The following UGT2B11 variants were observed in gnomAD, a reference collection of about 807,000 sequenced individuals.
UGT2B11 encodes the protein UDP-glucuronosyltransferase 2B11.
UGT2B11 carries 49 observed loss-of-function variants against 51.7 expected under a neutral mutation model. The ratio of observed to expected loss-of-function variants is 0.95; its 90% CI spans 0.75 to 1.20. UGT2B11 has a LOEUF of 1.20. UGT2B11 is among the 50% of genes most tolerant of loss of function. The probability of loss-of-function intolerance (pLI) is 0.00; values close to 1 mark genes in which losing one functional copy is unlikely to be tolerated. For missense variants in UGT2B11, 810 were observed against 622.1 expected, an observed-to-expected ratio of 1.30 and a Z score of -3.21; for synonymous variants, 273 against 209.0, an observed-to-expected ratio of 1.31 and a Z score of -2.64.
intron 2 of UGT2B11, 149 bp from the exon 3 acceptor site, chr4:69,208,631 C>A: frequency 1.4e-6 from 2 of 1,419,452 alleles, no homozygotes; most frequent in Non-Finnish European, 9.4e-7. Flanking sequence ...CATTCAGTTT[C>A]TTTGCAAGAA....
Position 69,205,570 on chromosome 4 carries a change from G to A in UGT2B11, c.1003-3C>T, listed in dbSNP as rs1721821203. 2 of 1,608,950 alleles carry A rather than the reference G, an allele frequency of 1.2e-6. No individual in the cohort carries two copies. The highest frequency in any genetic ancestry group is 2.7e-5 in the African/African-American group (2 of 74,554). ...TTCCCGTCAAATCTCCACAGAACCT[G>A]TTACAGTAAAGAGAATATCTTATTC... is the stretch of plus-strand genomic sequence containing the variant. On this transcript the variant is annotated splice_region_variant and splice_polypyrimidine_tract_variant and intron_variant, in intron 3 of 5. Coordinates refer to ENST00000446444, the MANE Select transcript of UGT2B11 (RefSeq NM_001073.3).
the UGT2B11 span, among the ~76,000 whole-genome samples, chr4:69,221,018 T>C: frequency 2.1e-4 from 32 of 152,284 alleles, 1 homozygote; most frequent in African/African-American, 7.7e-4. Flanking sequence ...TGCCTAGTAT[T>C]CTGGCTCCTA....
intron 3 of UGT2B11, 125 bp downstream of exon 3, chr4:69,208,226 G>A: frequency 6.5e-7 from 1 of 1,528,678 alleles, no homozygotes; most frequent in Non-Finnish European, 8.8e-7. Context: ...AGCAACATAA[G>A]CATATTTAAG....
rs748519040 is a variant in UGT2B11 at position 69,214,175 on chromosome 4, T to C, written c.548A>G (p.His183Arg). 90 of 1,612,822 alleles carry C rather than the reference T, an allele frequency of 5.6e-5. No individual in the cohort carries two copies. Among genetic ancestry groups the C allele is most frequent in the Non-Finnish European group, 7.2e-5 (85 of 1,179,354 alleles). ...RFTPGYTIER[H>R]SGGLIFPPSY... Reference sequence around the variant, plus strand: ...AGGAGGGAAAATCAGTCCTCCACTGTGCCTTTCAATTGTGTAGCCAGGAGT... The same window carrying C: ...AGGAGGGAAAATCAGTCCTCCACTGCGCCTTTCAATTGTGTAGCCAGGAGT... Residue 183 changes from histidine (H) to arginine (R), a missense_variant, in exon 1 of 6, where the codon CAC becomes CGC. His to Arg is a conservative substitution (Grantham distance 29). Coordinates refer to ENST00000446444, the MANE Select transcript of UGT2B11 (RefSeq NM_001073.3).
At chr4:69,222,375 A>G in the UGT2B11 span, among the ~76,000 whole-genome samples, 3 of 152,118 alleles carry the variant, frequency 2.0e-5, no homozygotes, top group East Asian at 5.8e-4. Flanking sequence ...TTCCCTTTGT[A>G]ATTGTGGATA....
intron 3 of UGT2B11, 100 bp from the exon 4 acceptor site, chr4:69,205,667 G>C: frequency 1.5e-5 from 19 of 1,304,220 alleles, no homozygotes; most frequent in Non-Finnish European, 1.9e-5. Flanking sequence ...AGGGATGTTA[G>C]TAAATAAATC....
At chr4:69,201,844 C>T (rs1365618167) in intron 5 of UGT2B11, among the ~76,000 whole-genome samples, 1 of 151,752 alleles carries the variant, frequency 6.6e-6, no homozygotes, top group Non-Finnish European at 1.5e-5. Flanking sequence ...AATATACATA[C>T]ACTAAGTGAA....
intron 2 of UGT2B11, among the ~76,000 whole-genome samples, chr4:69,211,984 C>G (rs1385778583): frequency 6.6e-6 from 1 of 151,470 alleles, no homozygotes; most frequent in African/African-American, 2.4e-5. Context: ...GTCCTGACCA[C>G]TTTATCTGCT....
At chr4:69,213,962 T>C (rs1329760008) in intron 1 of UGT2B11, 40 bp downstream of exon 1, 1 of 1,509,648 alleles carries the variant, frequency 6.6e-7, no homozygotes, top group African/African-American at 1.4e-5. Flanking sequence ...AAGACACAAA[T>C]AAGTTAGATC....
chr4:69,206,015 C>A (rs1405957859), intron 3 of UGT2B11, among the ~76,000 whole-genome samples: 1 of 151,576 alleles, frequency 6.6e-6, no homozygotes, highest in Non-Finnish European at 1.5e-5. Flanking sequence ...AATGCTTATA[C>A]TCTGTTGGTT....
rs1369271083 is a variant in UGT2B11, at chr4:69,214,622, C to T, written c.101G>A (p.Ser34Asn). The T allele has an allele frequency of 3.1e-6, 5 of 1,613,206 alleles. No individual in the cohort carries two copies. In the East Asian group the frequency reaches 1.1e-4, roughly 36 times the overall value. Residue 34 changes from serine to asparagine, a missense_variant, in exon 1 of 6, where the codon AGC (serine) becomes AAC (asparagine). By Grantham distance (46) the Ser-to-Asn change is conservative (BLOSUM62 1). Coordinates refer to ENST00000446444, the MANE Select transcript of UGT2B11 (RefSeq NM_001073.3). ...GATTGTCTTCATATTCATCCAATGG[C>T]TGTATTCTGCGGCCCACACCAGCAC... is the stretch of plus-strand genomic sequence containing the variant. ...GKVLVWAAEY[S>N]HWMNMKTILK...
At chr4:69,200,754 G>A in intron 5 of UGT2B11, 35 bp from the exon 6 acceptor site, 2 of 1,575,968 alleles carry the variant, frequency 1.3e-6, no homozygotes, top group Non-Finnish European at 1.7e-6. Flanking sequence ...AACACTGAAA[G>A]TAAGTTAATT....
intron 4 of UGT2B11, 150 bp downstream of exon 4, chr4:69,205,330 T>A: frequency 9.6e-7 from 1 of 1,040,712 alleles, no homozygotes; most frequent in Non-Finnish European, 1.4e-6. Flanking sequence ...ATGCCAACAA[T>A]TCTACCATAT....
intron 1 of UGT2B11, among the ~76,000 whole-genome samples, chr4:69,213,525 AC>A: frequency 6.6e-6 from 1 of 151,778 alleles, no homozygotes; most frequent in Non-Finnish European, 1.5e-5. Context: ...ATCTCTCTCT[AC>A]TGTGAAGGAA....
chr4:69,218,744 G>A (rs1310105957), upstream of UGT2B11, among the ~76,000 whole-genome samples: 3 of 152,050 alleles, frequency 2.0e-5, no homozygotes, highest in Non-Finnish European at 4.4e-5. Flanking sequence ...ACATTACAGA[G>A]TAGGGCATCC....
chr4:69,208,403 G>A lies in UGT2B11; in HGVS notation c.950C>T (p.Thr317Ile), dbSNP rs1461258293. The A allele has an allele frequency of 1.2e-6, 2 of 1,610,800 alleles. No individual in the cohort carries two copies. Among genetic ancestry groups the A allele is most frequent in the South Asian group, 2.2e-5 (2 of 90,998 alleles). ...TGCAATTACATTGGCCCTTTCTGCT[G>A]TCATGTTACTTATCACTGACCCCAG... ...FSLGSVISNM[T>I]AERANVIATA... is the part of the protein sequence containing the mutation. Residue 317 changes from threonine (T) to isoleucine (I), a missense_variant, in exon 3 of 6, where the codon ACA (threonine) becomes ATA (isoleucine). By Grantham distance (89) the Thr-to-Ile change is moderately conservative. Coordinates refer to ENST00000446444, the MANE Select transcript of UGT2B11 (RefSeq NM_001073.3).
intron 5 of UGT2B11, among the ~76,000 whole-genome samples, chr4:69,202,984 T>C (rs1721713775): frequency 6.6e-6 from 1 of 151,686 alleles, no homozygotes; most frequent in Admixed American, 6.6e-5. Flanking sequence ...ATTTTTCACA[T>C]TGTTATCTTT....
chr4:69,200,841 GA>G, intron 5 of UGT2B11, 122 bp from the exon 6 acceptor site: 1 of 1,196,858 alleles, frequency 8.4e-7, no homozygotes, highest in Non-Finnish European at 1.1e-6. Context: ...AATTGACAGA[GA>G]ATTTGTGTAT....
intron 5 of UGT2B11, among the ~76,000 whole-genome samples, chr4:69,203,150 T>C (rs754562638): frequency 9.2e-5 from 14 of 151,734 alleles, no homozygotes; most frequent in Non-Finnish European, 1.9e-4. Flanking sequence ...ATATAAATAG[T>C]TCTTAAAACT....
Sources: gnomAD v4.1 joint callset for allele counts (sites outside exome capture counted in the v4.1 genomes callset) on GRCh38, gnomAD v4.1.1 for gene constraint, MANE v1.5 for transcripts, NCBI Gene and HGNC (gene_info 2026-07-23, HGNC 2026-07-21) for gene names.